CRYBG2: variants seen among roughly 807,000 people sequenced by gnomAD.
CRYBG2 encodes the protein beta/gamma crystallin domain-containing protein 2.
Under a neutral mutation model 153.4 loss-of-function variants are expected in CRYBG2, and 106 were observed. The observed-to-expected ratio is 0.69, with a 90% CI of 0.59 to 0.81. The LOEUF (loss-of-function observed/expected upper bound fraction) is 0.81, where lower values mean the gene tolerates loss of function less well. Ranked by LOEUF, CRYBG2 falls within the 30% of genes least tolerant of loss-of-function variation. CRYBG2 has a pLI of 0.00. For synonymous variants in CRYBG2, 851 were observed against 877.8 expected (o/e 0.97, Z 0.54); for missense variants, 1,996 against 2,112.0 (o/e 0.95, Z 1.08).
Position 26,343,788 on chromosome 1 carries a change from G to C in CRYBG2, c.2870C>G (p.Ser957Cys), listed in dbSNP as rs2074163234. 6.9e-7 allele frequency: 1 copy of C among 1,451,028 alleles called. No homozygotes were observed. Among genetic ancestry groups the C allele is most frequent in the African/African-American group, 1.4e-5 (1 of 69,778 alleles). The allele number at this position is 1,451,028 out of a possible 1,614,324, so 89.9% of individuals were successfully genotyped here. The change falls in exon 2 of 20, where the codon TCC becomes TGC. Residue 957 changes from serine to cysteine, a missense_variant. Ser to Cys is a moderately radical substitution (Grantham distance 112). Transcript: ENST00000308182. The surrounding 1 kb of genome is among the most constrained non-coding windows in gnomAD (Gnocchi z 4.1). ...QLPLLCSERS[S>C]PTEKLACSLP... ...GGAACAGGCAAGCTTCTCCGTTGGG[G>C]ATGATCTTTCACTGCAAAGCAGGGG...
Position 26,339,491 on chromosome 1 carries a change from T to G in CRYBG2, c.3205-62A>C, listed in dbSNP as rs543090351. 1.9e-6 allele frequency: 3 copies of G among 1,582,782 alleles called. No individual in the cohort carries two copies. The Admixed American group carries it at 5.2e-5, about 27-fold the overall frequency. On this transcript the variant is annotated intron_variant, in intron 5 of 19. Transcript: ENST00000308182. ...AGCCAGGCGTGGTGGCTCACGCCTGTAATCCCAGCACTTTGGGAGGCCGAG... is the reference window on the plus strand; with the variant it reads ...AGCCAGGCGTGGTGGCTCACGCCTGGAATCCCAGCACTTTGGGAGGCCGAG...
intron 17 of CRYBG2, chr1:26,326,915 C>A: frequency 2.0e-6 from 1 of 489,536 alleles, no homozygotes; most frequent in Non-Finnish European, 4.1e-6. Context: ...GTCAGGAGGG[C>A]CTATGGTGGT....
intron 5 of CRYBG2, among the ~76,000 whole-genome samples, chr1:26,339,887 G>C (rs1032654707): frequency 5.3e-5 from 8 of 152,334 alleles, no homozygotes; most frequent in African/African-American, 1.4e-4. Flanking sequence ...TGACTAGGGT[G>C]GTCTTTGCAA....
chr1:26,352,723 G>T (rs926988166), intron 1 of CRYBG2, among the ~76,000 whole-genome samples: 3 of 151,644 alleles, frequency 2.0e-5, no homozygotes, highest in African/African-American at 7.3e-5. Context: ...GTGGCAGATA[G>T]AAACCACCTC....
rs1395823002 is a variant in CRYBG2 at position 26,337,292 on chromosome 1, G to C, written c.3732C>G (p.Gly1244=). Residue 1244 remains glycine (G), a synonymous_variant, in exon 10 of 20, where the codon GGC becomes GGG. Transcript: ENST00000308182. The stretch of plus-strand genomic sequence containing the variant: ...GGAGGGAGGTCAGCAACTCGTCATA[G>C]CCTCCCCAGTGTGACCAGTCTGGGT... ...GEYPDWSHWG[G]YDELLTSLRV... 1 of 1,614,106 alleles carries C rather than the reference G, an allele frequency of 6.2e-7. No individual in the cohort carries two copies. The highest frequency in any genetic ancestry group is 8.5e-7 in the Non-Finnish European group (1 of 1,180,000).
Position 26,337,555 on chromosome 1 carries a change from C to A in CRYBG2, c.3627G>T (p.Leu1209=). The change falls in exon 9 of 20, where the codon CTG becomes CTT. Residue 1209 remains leucine (L), a synonymous_variant. Coordinates refer to ENST00000308182, the MANE Select transcript of CRYBG2 (RefSeq NM_001039775.4). The part of the protein sequence containing the change: ...QSPHLASVGS[L]RVLGGCWVGY... ...GTTCTCACCAGCCTCCGAGAACTCT[C>A]AGGGACCCCACAGAGGCCAGGTGGG... The A allele has an allele frequency of 1.9e-6, 3 of 1,612,632 alleles. No homozygotes were observed. The Admixed American group carries it at 5.0e-5, about 27-fold the overall frequency.
intron 15 of CRYBG2, 132 bp from the exon 16 acceptor site, chr1:26,329,005 G>T: frequency 8.8e-7 from 1 of 1,138,416 alleles, no homozygotes; most frequent in Non-Finnish European, 1.2e-6. Flanking sequence ...AGTTCTGCAG[G>T]GCCACTGATT....
rs746050315 is a variant in CRYBG2, at chr1:26,324,212, G to A, written c.4677C>T (p.Ala1559=). The change falls in exon 18 of 20, where the codon GCC becomes GCT. Residue 1559 remains alanine, a synonymous_variant. Transcript: ENST00000308182. ...EDMKAGRVVV[A]DPQAGGSCIW... ...TGCAGCTACCTCCAGCTTGGGGGTC[G>A]GCGACCACCACACGGCCTGCTTTCA... 91 of 1,613,106 alleles carry A rather than the reference G, an allele frequency of 5.6e-5. No individual in the cohort carries two copies. The highest frequency in any genetic ancestry group is 2.0e-4 in the South Asian group (18 of 91,062).
rs1570163058 is a variant in CRYBG2, at chr1:26,324,095, G to A, written c.4737+57C>T. The A allele has an allele frequency of 3.2e-6, 5 of 1,571,732 alleles. No individual in the cohort carries two copies. In the Middle Eastern group the frequency reaches 5.1e-4, roughly 160 times the overall value. ...CCTGATTGGGCTGGGACTCCCCAGA[G>A]TGGACCTGCAAATGCCTAGGGCCAG... is the stretch of plus-strand genomic sequence containing the variant. On this transcript the variant is annotated intron_variant, in intron 18 of 19. Coordinates refer to ENST00000308182, the MANE Select transcript of CRYBG2 (RefSeq NM_001039775.4).
At position 26,336,247 on chromosome 1, in the gene CRYBG2, G is replaced by C. The variant is rs766197855; in HGVS notation, c.4072-40C>G. 6.3e-7 allele frequency: 1 copy of C among 1,584,486 alleles called. No individual in the cohort carries two copies. The highest frequency in any genetic ancestry group is 2.3e-5 in the East Asian group (1 of 43,426). On this transcript the variant is annotated intron_variant, in intron 13 of 19. Transcript: ENST00000308182. The surrounding 1 kb of genome is among the most constrained non-coding windows in gnomAD (Gnocchi z 4.9). ...GGGAGATGAGGGGAAGGAGGACGAT[G>C]GAGTGGGGCCGAGAACAGCGGGGAG...
In CRYBG2 at chr1:26,321,959, G is replaced by A. The variant is rs1423805641; in HGVS notation, c.*9C>T. 6.4e-7 allele frequency: 1 copy of A among 1,555,016 alleles called. No homozygotes were observed. The highest frequency in any genetic ancestry group is 8.7e-7 in the Non-Finnish European group (1 of 1,143,806). ...AAGCCTCCAGGGCTGGAGGGTGAGG[G>A]GAAAAGTTTCAAAGCACGTGGATAG... On this transcript the variant is annotated 3_prime_UTR_variant, in exon 20 of 20. Coordinates refer to ENST00000308182, the MANE Select transcript of CRYBG2 (RefSeq NM_001039775.4).
chr1:26,323,628 T>G (rs948851528), intron 18 of CRYBG2, among the ~76,000 whole-genome samples: 4 of 150,686 alleles, frequency 2.7e-5, no homozygotes, highest in African/African-American at 7.3e-5. Flanking sequence ...TTTATTTTTG[T>G]TTTTTTTTGA....
intron 1 of CRYBG2, among the ~76,000 whole-genome samples, chr1:26,350,392 A>G (rs553781795): frequency 1.6e-4 from 24 of 152,300 alleles, no homozygotes; most frequent in Non-Finnish European, 2.6e-4. Context: ...ACTCTGCCAA[A>G]CACCTTGCTA....
intron 14 of CRYBG2, among the ~76,000 whole-genome samples, chr1:26,335,700 T>C (rs1040266003): frequency 8.5e-5 from 13 of 152,142 alleles, no homozygotes; most frequent in Non-Finnish European, 1.8e-4. Flanking sequence ...ATGGGAGAAA[T>C]CTGAACACGG....
intron 7 of CRYBG2, 147 bp downstream of exon 7, chr1:26,338,204 C>G (rs2074085677): frequency 2.1e-6 from 3 of 1,416,038 alleles, no homozygotes; most frequent in Non-Finnish European, 2.9e-6. Flanking sequence ...CACTCCCATT[C>G]CCAATAGAAG....
At position 26,344,919 on chromosome 1, in the gene CRYBG2, T is replaced by C; in HGVS notation, c.1739A>G (p.Lys580Arg). The change falls in exon 2 of 20, where the codon AAA (lysine) becomes AGA (arginine). Residue 580 changes from lysine (K) to arginine (R), a missense_variant. Transcript: ENST00000308182. The stretch of plus-strand genomic sequence containing the variant: ...AGCACCAGGGCCCTTCACAACCTCT[T>C]TTGGGGTGGTGGACAAGGCAGCAGG... ...GAPAALSTTPKEVVKGPGAPA... is the reference protein window; with the variant it reads ...GAPAALSTTPREVVKGPGAPA... 1 of 1,520,148 alleles carries C rather than the reference T, an allele frequency of 6.6e-7. No individual in the cohort carries two copies. Among genetic ancestry groups the C allele is most frequent in the Non-Finnish European group, 8.8e-7 (1 of 1,142,720 alleles). The allele number at this position is 1,520,148 out of a possible 1,614,324, so 94.2% of individuals were successfully genotyped here. A position where few individuals can be genotyped will look rare whatever the true frequency, so the allele number is the denominator to read the frequency against.
intron 1 of CRYBG2, among the ~76,000 whole-genome samples, chr1:26,348,085 C>A (rs1176866211): frequency 6.6e-6 from 1 of 152,202 alleles, no homozygotes; most frequent in East Asian, 1.9e-4. Context: ...AGGCACATGC[C>A]ACCACACCCA....
At position 26,342,956 on chromosome 1, in the gene CRYBG2, GT is replaced by G. The variant is rs371787559; in HGVS notation, c.3075-74del. 542 of 1,580,460 alleles carry G rather than the reference GT, an allele frequency of 3.4e-4. 5 individuals carry two copies. In the East Asian group the frequency reaches 0.012, roughly 35 times the overall value. On this transcript the variant is annotated intron_variant, in intron 4 of 19. Transcript: ENST00000308182. Reference sequence around the variant, plus strand: ...CCAGGGCTGCTGGGTAGCTGATGGGGTTTCTCCCAGGCTGGACTGGTCACTC... The same window carrying G: ...CCAGGGCTGCTGGGTAGCTGATGGGGTTCTCCCAGGCTGGACTGGTCACTC...
In CRYBG2 at chr1:26,336,241, G is replaced by A. The variant is rs1414602247; in HGVS notation, c.4072-34C>T. On this transcript the variant is annotated intron_variant, in intron 13 of 19. Transcript: ENST00000308182. This position sits in a 1 kb window ranked among gnomAD's most constrained non-coding sequence, Gnocchi z 4.9. ...AGAGAGGGGAGATGAGGGGAAGGAG[G>A]ACGATGGAGTGGGGCCGAGAACAGC... is the stretch of plus-strand genomic sequence containing the variant. 15 of 1,577,890 alleles carry A rather than the reference G, an allele frequency of 9.5e-6. No homozygotes were observed. The highest frequency in any genetic ancestry group is 1.3e-5 in the Non-Finnish European group (15 of 1,159,772).
Sources: gnomAD v4.1 joint callset for allele counts (sites outside exome capture counted in the v4.1 genomes callset) on GRCh38, gnomAD v4.1.1 for gene constraint, Gnocchi (gnomAD v3.1) non-coding constraint, MANE v1.5 for transcripts, NCBI Gene and HGNC (gene_info 2026-07-23, HGNC 2026-07-21) for gene names.